The following VNN2 variants were observed in gnomAD, a reference collection of about 807,000 sequenced individuals.
VNN2 encodes pantetheine hydrolase VNN2.
In VNN2, 43 loss-of-function variants were observed where a neutral mutation model predicts 43.0. The observed-to-expected ratio is 1.00, with a 90% CI of 0.78 to 1.29. The LOEUF (loss-of-function observed/expected upper bound fraction) is 1.29. VNN2 is among the 50% of genes most tolerant of loss of function. The probability of loss-of-function intolerance (pLI) is 0.00; values close to 1 mark genes in which losing one functional copy is unlikely to be tolerated. For synonymous variants in VNN2, 230 were observed against 224.3 expected (o/e 1.03, Z -0.23); for missense variants, 652 against 619.7 (o/e 1.05, Z -0.55).
At chr6:132,762,858 T>G (rs914099672), upstream of VNN2, among the ~76,000 whole-genome samples, 9 of 152,228 alleles carry the variant, frequency 5.9e-5, no homozygotes, top group African/African-American at 2.2e-4. Flanking sequence ...CCAACATGTC[T>G]GTTTTCCTGT....
rs1780178338 is a variant in VNN2, at chr6:132,752,570, C to T, written c.717G>A (p.Met239Ile). The part of the protein sequence containing the change: ...VDTILFPTAW[M>I]NVLPLLTAIE... ...TAGCTGTCAAAAGGGGCAAAACGTT[C>T]ATCCAAGCTGTGGGAAACAGTATGG... The change falls in exon 4 of 7, where the codon ATG becomes ATA. Residue 239 changes from methionine (M) to isoleucine (I), a missense_variant. Met to Ile is a conservative substitution (Grantham distance 10, BLOSUM62 1). Coordinates refer to ENST00000326499, the MANE Select transcript of VNN2 (RefSeq NM_004665.6). The T allele has an allele frequency of 6.2e-7, 1 of 1,614,178 alleles. No homozygotes were observed.
chr6:132,760,076 A>G (rs1263775294), upstream of VNN2, among the ~76,000 whole-genome samples: 2 of 152,226 alleles, frequency 1.3e-5, no homozygotes, highest in Non-Finnish European at 2.9e-5. Flanking sequence ...CTGATTCCAG[A>G]GTCTTTCCTT....
rs1304523101 is a variant in VNN2, at chr6:132,751,377, T to C, written c.968A>G (p.Tyr323Cys). The change falls in exon 5 of 7, where the codon TAC becomes TGC. Residue 323 changes from tyrosine to cysteine, a missense_variant. Tyr to Cys is a radical substitution (Grantham distance 194, BLOSUM62 -2). Coordinates refer to ENST00000326499, the MANE Select transcript of VNN2 (RefSeq NM_004665.6). ...AYPTAVNWNA[Y>C]ATTIKPFPVQ... ...TGGAAATGGTTTGATGGTGGTGGCG[T>C]AGGCATTCCAATTAACAGCTGTTGG... The C allele has an allele frequency of 1.9e-6, 3 of 1,614,024 alleles. No homozygotes were observed. The East Asian group carries it at 6.7e-5, about 36-fold the overall frequency.
intron 1 of VNN2, among the ~76,000 whole-genome samples, chr6:132,762,966 A>G (rs1780771548): frequency 6.6e-6 from 1 of 152,210 alleles, no homozygotes; most frequent in South Asian, 2.1e-4. Context: ...TAAAATATTA[A>G]CAATATTAAT....
upstream of VNN2, among the ~76,000 whole-genome samples, chr6:132,759,263 C>A (rs775294349): frequency 6.6e-6 from 1 of 151,450 alleles, no homozygotes; most frequent in African/African-American, 2.4e-5. Context: ...ATAGTGGAAC[C>A]CCCCATCTCT....
At chr6:132,745,309 G>A (rs1314968310) in intron 6 of VNN2, among the ~76,000 whole-genome samples, 1 of 152,166 alleles carries the variant, frequency 6.6e-6, no homozygotes, top group Non-Finnish European at 1.5e-5. Context: ...TCCGCCTGCT[G>A]GGTTCAAGTG....
rs932178009 is a variant in VNN2, at chr6:132,751,329, C to A, written c.1016G>T (p.Gly339Val). The A allele has an allele frequency of 5.0e-6, 8 of 1,614,022 alleles. No homozygotes were observed. In the Admixed American group the frequency reaches 6.7e-5, roughly 13 times the overall value. The change falls in exon 5 of 7, where the codon GGA becomes GTA. Residue 339 changes from glycine (G) to valine (V), a missense_variant. Transcript: ENST00000326499. ...PFPVQKNTFRGFISRDGFNFT... is the reference protein window; with the variant it reads ...PFPVQKNTFRVFISRDGFNFT... ...GTTGAACCCATCCCTGGAAATAAATCCCCTGAAAGTGTTTTTCTGTACTGG... is the reference window on the plus strand; with the variant it reads ...GTTGAACCCATCCCTGGAAATAAATACCCTGAAAGTGTTTTTCTGTACTGG...
chr6:132,751,179 C>A lies in VNN2; in HGVS notation c.1166G>T (p.Gly389Val). Residue 389 changes from glycine (G) to valine (V), a missense_variant, in exon 5 of 7, where the codon GGA becomes GTA. Physicochemically the swap from Gly to Val is moderately radical, Grantham distance 109. Coordinates refer to ENST00000326499, the MANE Select transcript of VNN2 (RefSeq NM_004665.6). ...NEVYVLGAFTGLHGRRRREYW... is the reference protein window; with the variant it reads ...NEVYVLGAFTVLHGRRRREYW... ...CTCTCTTCTCCTTCGGCCATGTAAT[C>A]CTGTAAAAGCTCCTAGAACGTATAC... The A allele has an allele frequency of 6.2e-7, 1 of 1,611,234 alleles. No individual in the cohort carries two copies. The highest frequency in any genetic ancestry group is 1.7e-5 in the Admixed American group (1 of 59,368).
intron 3 of VNN2, chr6:132,754,085 TAGAC>T (rs1003364748): frequency 3.9e-5 from 6 of 152,198 alleles, no homozygotes; most frequent in Admixed American, 6.5e-5. Flanking sequence ...CCTTTCAACT[TAGAC>T]AGGGTGACTG....
At chr6:132,745,368 A>G (rs1360631337) in intron 6 of VNN2, among the ~76,000 whole-genome samples, 1 of 152,152 alleles carries the variant, frequency 6.6e-6, no homozygotes, top group Non-Finnish European at 1.5e-5. Context: ...GGGGCGTGCC[A>G]CCAAGCCCAG....
chr6:132,754,496 A>G (rs983078980), intron 3 of VNN2, among the ~76,000 whole-genome samples: 1 of 152,162 alleles, frequency 6.6e-6, no homozygotes, highest in Non-Finnish European at 1.5e-5. Flanking sequence ...CTCTTAATTA[A>G]TATTTATATT....
At chr6:132,751,607 T>C in intron 4 of VNN2, 89 bp from the exon 5 acceptor site, 1 of 1,473,332 alleles carries the variant, frequency 6.8e-7, no homozygotes, top group Non-Finnish European at 9.1e-7. Context: ...GGGCATGTGA[T>C]CACGCCACCA....
At position 132,757,861 on chromosome 6, in the gene VNN2, A is replaced by C; in HGVS notation, c.23T>G (p.Ile8Ser). 6.2e-7 allele frequency: 1 copy of C among 1,613,828 alleles called. No individual in the cohort carries two copies. The highest frequency in any genetic ancestry group is 8.5e-7 in the Non-Finnish European group (1 of 1,179,820). The stretch of plus-strand genomic sequence containing the variant: ...TATTAGGGCAAAAACTGCCACAGAG[A>C]TTGGAAAAGAGGAAGTGACCATGGC... Reference protein sequence around the residue: MVTSSFPISVAVFALITL... With the variant: MVTSSFPSSVAVFALITL... The change falls in exon 1 of 7, where the codon ATC becomes AGC. Residue 8 changes from isoleucine (I) to serine (S), a missense_variant. Physicochemically the swap from Ile to Ser is moderately radical, Grantham distance 142 (BLOSUM62 -2). Coordinates refer to ENST00000326499, the MANE Select transcript of VNN2 (RefSeq NM_004665.6).
At chr6:132,750,999 T>G in intron 5 of VNN2, 146 bp downstream of exon 5, 1 of 917,984 alleles carries the variant, frequency 1.1e-6, no homozygotes, top group Non-Finnish European at 1.6e-6. Flanking sequence ...AATGCACGTG[T>G]GTGTGTGTGT....
At chr6:132,753,324 C>A (rs904464110) in intron 3 of VNN2, 1 of 329,554 alleles carries the variant, frequency 3.0e-6, no homozygotes, top group Non-Finnish European at 6.0e-6. Flanking sequence ...AGCACCTGGC[C>A]CTATAAGCTT....
At chr6:132,750,263 A>T (rs758067202) in intron 5 of VNN2, among the ~76,000 whole-genome samples, 1 of 152,060 alleles carries the variant, frequency 6.6e-6, no homozygotes, top group Non-Finnish European at 1.5e-5. Context: ...AGAAGAAGGC[A>T]GTGGGACATG....
chr6:132,759,495 G>T (rs1213815658), upstream of VNN2, among the ~76,000 whole-genome samples: 2 of 147,722 alleles, frequency 1.4e-5, no homozygotes, highest in Non-Finnish European at 3.0e-5. Flanking sequence ...TGTGATCTCA[G>T]ATGCCTTCTT....
chr6:132,749,602 C>A, intron 6 of VNN2, 93 bp downstream of exon 6: 1 of 1,263,838 alleles, frequency 7.9e-7, no homozygotes, highest in South Asian at 1.5e-5. Context: ...ATTTGTTACA[C>A]AGCAGAAGTT....
intron 2 of VNN2, among the ~76,000 whole-genome samples, chr6:132,756,401 C>G (rs1261706180): frequency 6.6e-6 from 1 of 152,200 alleles, no homozygotes; most frequent in Non-Finnish European, 1.5e-5. Context: ...TCATCTCTCT[C>G]TTAAAGCAAA....
Sources: gnomAD v4.1 joint callset for allele counts (sites outside exome capture counted in the v4.1 genomes callset) on GRCh38, gnomAD v4.1.1 for gene constraint, MANE v1.5 for transcripts, NCBI Gene and HGNC (gene_info 2026-07-23, HGNC 2026-07-21) for gene names.